Variants in PTP4A3 observed in about 807,000 individuals in gnomAD.
PTP4A3 encodes the protein protein tyrosine phosphatase type IVA 3.
A neutral mutation model predicts 15.2 loss-of-function variants in PTP4A3; 9 were observed. The ratio of observed to expected loss-of-function variants is 0.59; its 90% CI spans 0.36 to 1.03. PTP4A3 has a LOEUF of 1.03. Ranked by LOEUF, PTP4A3 falls within the 50% of genes least tolerant of loss-of-function variation. The pLI is 0.02. For missense variants in PTP4A3, 234 were observed against 252.1 expected, an observed-to-expected ratio of 0.93 and a Z score of 0.49; for synonymous variants, 95 against 102.0, an observed-to-expected ratio of 0.93 and a Z score of 0.41.
Position 141,432,383 on chromosome 8 carries a change from T to A in PTP4A3, c.*1339T>A, listed in dbSNP as rs1833911566. 6.6e-6 allele frequency: 1 copy of A among 152,240 alleles called. No homozygotes were observed. Among genetic ancestry groups the A allele is most frequent in the Admixed American group, 6.5e-5 (1 of 15,288 alleles). 9.4% of individuals were successfully genotyped at this position (152,240 alleles called of 1,614,324 possible). ...CTGTGTGGAGAAAGGGCAACAGCTG[T>A]CCCGGATGGTTATTCTCTCCTTTCC... On this transcript the variant is annotated 3_prime_UTR_variant, in exon 6 of 6. Coordinates refer to ENST00000521578, the MANE Select transcript of PTP4A3 (RefSeq NM_032611.3).
chr8:141,408,257 T>C lies in PTP4A3; in HGVS notation c.-853-13131T>C, dbSNP rs140703060. ...TGGTGGGAGGGGGCGATGGAAGTGT[T>C]CTGGAATTAGTGGTGATGATTACAC... On this transcript the variant is annotated intron_variant, in intron 1 of 5. Coordinates refer to ENST00000521578, the MANE Select transcript of PTP4A3 (RefSeq NM_032611.3). Among the ~76,000 whole-genome samples, 629 of 152,242 alleles carry C rather than the reference T, an allele frequency of 4.1e-3. 8 individuals carry two copies. Among genetic ancestry groups the C allele is most frequent in the Middle Eastern group, 0.014 (4 of 294 alleles).
intron 1 of PTP4A3, among the ~76,000 whole-genome samples, chr8:141,410,667 C>T (rs1410914754): frequency 1.3e-5 from 2 of 152,180 alleles, no homozygotes; most frequent in Non-Finnish European, 2.9e-5. Context: ...GACGAGCACA[C>T]TGAGGCACAG....
At chr8:141,395,215 G>A (rs533432952) in intron 1 of PTP4A3, among the ~76,000 whole-genome samples, 1 of 152,212 alleles carries the variant, frequency 6.6e-6, no homozygotes, top group Non-Finnish European at 1.5e-5. Context: ...GAGTGTGCGC[G>A]TGTCTCCCCT....
chr8:141,406,448 T>G lies in PTP4A3; in HGVS notation c.-854+14364T>G, dbSNP rs1156374003. ...CTGCTGCCACCCAGAGCCCGCCCTT[T>G]CCGGAGAGCAGTTCCCTGGGGTGTC... On this transcript the variant is annotated intron_variant, in intron 1 of 5. Transcript: ENST00000521578. The surrounding 1 kb of genome is among the most constrained non-coding windows in gnomAD (Gnocchi z 4.5). Among the ~76,000 whole-genome samples, 1 of 151,738 alleles carries G rather than the reference T, an allele frequency of 6.6e-6. No homozygotes were observed. Among genetic ancestry groups the G allele is most frequent in the Non-Finnish European group, 1.5e-5 (1 of 67,890 alleles).
chr8:141,397,003 C>T (rs1832468180), intron 1 of PTP4A3, among the ~76,000 whole-genome samples: 4 of 152,240 alleles, frequency 2.6e-5, no homozygotes, highest in South Asian at 4.1e-4. Flanking sequence ...AGCCCACAGC[C>T]TCTCCTCCCT....
At chr8:141,415,628 G>A (rs1162169199) in intron 1 of PTP4A3, among the ~76,000 whole-genome samples, 3 of 101,188 alleles carry the variant, frequency 3.0e-5, no homozygotes, top group Non-Finnish European at 4.2e-5. Flanking sequence ...GGAGGGCGGG[G>A]GGCAGGGGGC....
intron 1 of PTP4A3, among the ~76,000 whole-genome samples, chr8:141,397,899 G>A (rs896627977): frequency 1.3e-5 from 2 of 152,340 alleles, no homozygotes; most frequent in Non-Finnish European, 1.5e-5. Context: ...GGGTCGGCCC[G>A]GCTCCTGCCT....
Position 141,432,269 on chromosome 8 carries a change from G to C in PTP4A3, c.*1225G>C. The C allele has an allele frequency of 6.6e-6, 1 of 152,206 alleles. No individual in the cohort carries two copies. The highest frequency in any genetic ancestry group is 1.9e-4 in the East Asian group (1 of 5,178). 9.4% of individuals were successfully genotyped at this position (152,206 alleles called of 1,614,324 possible). ...AGGTCAGTGGACAAGATGGGGAGAT[G>C]TGGAAACCCCAAAAGCCCCTTCTCA... On this transcript the variant is annotated 3_prime_UTR_variant, in exon 6 of 6. Coordinates refer to ENST00000521578, the MANE Select transcript of PTP4A3 (RefSeq NM_032611.3).
At chr8:141,403,657 C>T (rs1271814449) in intron 1 of PTP4A3, among the ~76,000 whole-genome samples, 2 of 152,226 alleles carry the variant, frequency 1.3e-5, no homozygotes, top group African/African-American at 4.8e-5. Flanking sequence ...TAACATTAAA[C>T]ACTGAAGTAA....
At chr8:141,399,904 A>G (rs1435349530) in intron 1 of PTP4A3, among the ~76,000 whole-genome samples, 2 of 152,218 alleles carry the variant, frequency 1.3e-5, no homozygotes, top group African/African-American at 2.4e-5. Context: ...TCAAACATGT[A>G]GTTATTGTTT....
chr8:141,416,101 G>A (rs1382475370), intron 1 of PTP4A3, among the ~76,000 whole-genome samples: 1 of 152,184 alleles, frequency 6.6e-6, no homozygotes, highest in Non-Finnish European at 1.5e-5. Flanking sequence ...GGGGTGATGA[G>A]GATGCTGGGG....
At chr8:141,419,413 G>A (rs919011221) in intron 1 of PTP4A3, among the ~76,000 whole-genome samples, 75 of 152,314 alleles carry the variant, frequency 4.9e-4, no homozygotes, top group African/African-American at 1.8e-3. Context: ...CCCCAAGAGG[G>A]ACCCAGGTGT....
At chr8:141,402,816 T>TGG (rs955364599) in intron 1 of PTP4A3, among the ~76,000 whole-genome samples, 1 of 151,982 alleles carries the variant, frequency 6.6e-6, no homozygotes, top group African/African-American at 2.4e-5. Flanking sequence ...GAGAGTGTCT[T>TGG]GGGGTTTCGG....
chr8:141,420,114 T>G (rs1833258751), intron 1 of PTP4A3, among the ~76,000 whole-genome samples: 1 of 151,250 alleles, frequency 6.6e-6, no homozygotes, highest in Non-Finnish European at 1.5e-5. Flanking sequence ...GGGAAGGGGG[T>G]GCTGGGGCTG....
intron 3 of PTP4A3, 172 bp from the exon 4 acceptor site, chr8:141,426,767 G>T: frequency 1.1e-6 from 1 of 918,066 alleles, no homozygotes; most frequent in Non-Finnish European, 1.3e-6. Flanking sequence ...TCACCATGGG[G>T]TGCCCATAGG....
chr8:141,407,697 G>C (rs1340661356), intron 1 of PTP4A3, among the ~76,000 whole-genome samples: 2 of 151,608 alleles, frequency 1.3e-5, no homozygotes, highest in Non-Finnish European at 2.9e-5. Flanking sequence ...CTCCCAAGTA[G>C]ATGGGATTAC....
chr8:141,403,520 G>A (rs1832649296), intron 1 of PTP4A3, among the ~76,000 whole-genome samples: 1 of 152,240 alleles, frequency 6.6e-6, no homozygotes, highest in South Asian at 2.1e-4. Flanking sequence ...CCAGTTTTAA[G>A]TGAAAATTGG....
intron 1 of PTP4A3, among the ~76,000 whole-genome samples, chr8:141,408,034 C>T (rs1217081471): frequency 6.6e-6 from 1 of 152,164 alleles, no homozygotes; most frequent in Non-Finnish European, 1.5e-5. Flanking sequence ...AGGCGGCCAA[C>T]AGGTGGAGCG....
At position 141,421,477 on chromosome 8, in the gene PTP4A3, C is replaced by T. The variant is rs1334256552; in HGVS notation, c.-764C>T. ...TGCTGCGCCCAGGGTCGCCGCGCCT[C>T]CTGCTGAGGGGTCCCCGTGCCACTG... On this transcript the variant is annotated 5_prime_UTR_variant, in exon 2 of 6. Transcript: ENST00000521578. 1.3e-5 allele frequency: 2 copies of T among 152,422 alleles called. No individual in the cohort carries two copies. Among genetic ancestry groups the T allele is most frequent in the African/African-American group, 2.4e-5 (1 of 41,464 alleles). 9.4% of individuals were successfully genotyped at this position (152,422 alleles called of 1,614,324 possible). A position where few individuals can be genotyped will look rare whatever the true frequency, so the allele number is the denominator to read the frequency against.
Sources: gnomAD v4.1 joint callset for allele counts (sites outside exome capture counted in the v4.1 genomes callset) on GRCh38, gnomAD v4.1.1 for gene constraint, Gnocchi (gnomAD v3.1) non-coding constraint, MANE v1.5 for transcripts, NCBI Gene and HGNC (gene_info 2026-07-23, HGNC 2026-07-21) for gene names.